Variants in PCM1 observed in about 807,000 individuals in gnomAD.
PCM1 encodes the protein pericentriolar material 1 protein.
In PCM1, 157 loss-of-function variants were observed where a neutral mutation model predicts 241.9. The observed-to-expected ratio is 0.65, with a 90% CI of 0.57 to 0.74. The LOEUF is 0.74. PCM1 is among the 30% of genes least tolerant of loss of function. The pLI is 0.00. For missense variants in PCM1, 3,478 were observed against 2,360.1 expected (o/e 1.47, Z -9.81); for synonymous variants, 1,085 against 784.9 (o/e 1.38, Z -6.39).
chr8:17,968,305 G>A (rs2075665344), intron 21 of PCM1, among the ~76,000 whole-genome samples: 1 of 152,148 alleles, frequency 6.6e-6, no homozygotes, highest in African/African-American at 2.4e-5. Context: ...TTGCAGACGA[G>A]GGTGCCATTG....
intron 23 of PCM1, among the ~76,000 whole-genome samples, chr8:17,973,972 C>T (rs1295225507): frequency 6.6e-6 from 1 of 152,294 alleles, no homozygotes; most frequent in Non-Finnish European, 1.5e-5. Flanking sequence ...AATATTGGCA[C>T]ATTTTTAAAA....
chr8:18,014,027 A>G lies in PCM1; in HGVS notation c.5575A>G (p.Thr1859Ala). The change falls in exon 35 of 39, where the codon ACT (threonine) becomes GCT (alanine). Residue 1859 changes from threonine (T) to alanine (A), a missense_variant. By Grantham distance (58) the Thr-to-Ala change is moderately conservative. Coordinates refer to ENST00000325083, the MANE Select transcript of PCM1 (RefSeq NM_006197.4). ...AAATGTCCCATTGGAACGAGAAGCC[A>G]CTAGTAAAAGTAAGAAATCTAAATA... ...SKNVPLEREA[T>A]SKNDQNNCPV... The G allele has an allele frequency of 3.8e-6, 6 of 1,588,650 alleles. No individual in the cohort carries two copies. Among genetic ancestry groups the G allele is most frequent in the Non-Finnish European group, 5.2e-6 (6 of 1,163,088 alleles).
intron 24 of PCM1, among the ~76,000 whole-genome samples, chr8:17,983,529 A>T (rs955286515): frequency 2.0e-5 from 3 of 152,190 alleles, no homozygotes; most frequent in African/African-American, 7.2e-5. Flanking sequence ...ACACATTCAT[A>T]AGGGTAACAG....
chr8:17,941,718 A>G (rs918151497), intron 6 of PCM1, among the ~76,000 whole-genome samples: 3 of 152,178 alleles, frequency 2.0e-5, no homozygotes, highest in African/African-American at 7.2e-5. Flanking sequence ...CTTCACAAGA[A>G]CAGGTTTCAG....
chr8:17,939,885 AC>A (rs1480103092), intron 6 of PCM1, 24 bp downstream of exon 6: 1 of 1,361,220 alleles, frequency 7.3e-7, no homozygotes, highest in Non-Finnish European at 1.0e-6. Flanking sequence ...TTTTAAAATA[AC>A]ATATTATTTT....
chr8:17,941,188 A>G (rs930774482), intron 6 of PCM1, among the ~76,000 whole-genome samples: 20 of 152,166 alleles, frequency 1.3e-4, no homozygotes, highest in African/African-American at 4.3e-4. Context: ...GGTGCGAGGC[A>G]TAATTTCTTC....
chr8:17,930,121 T>C (rs796634817), intron 2 of PCM1, among the ~76,000 whole-genome samples: 7 of 114,856 alleles, frequency 6.1e-5, no homozygotes, highest in Non-Finnish European at 9.5e-5. Flanking sequence ...TTTTTTTTTT[T>C]GAGACAGAGT....
chr8:17,976,437 C>A (rs1482770395), intron 23 of PCM1, among the ~76,000 whole-genome samples: 1 of 152,144 alleles, frequency 6.6e-6, no homozygotes, highest in Non-Finnish European at 1.5e-5. Flanking sequence ...TTCATTAGAA[C>A]CTGAGAGGAG....
Position 18,025,713 on chromosome 8 carries a change from C to G in PCM1, c.6049+55C>G, listed in dbSNP as rs2094141868. Reference sequence around the variant, plus strand: ...ATTGAAAAATCATTGAATCTTCATACTACTATTGTGTTTTATTTTTTAAAT... The same window carrying G: ...ATTGAAAAATCATTGAATCTTCATAGTACTATTGTGTTTTATTTTTTAAAT... On this transcript the variant is annotated intron_variant, in intron 38 of 38. Coordinates refer to ENST00000325083, the MANE Select transcript of PCM1 (RefSeq NM_006197.4). The G allele has an allele frequency of 1.1e-5, 11 of 994,972 alleles. No homozygotes were observed. In the South Asian group the frequency reaches 1.4e-4, roughly 12 times the overall value. 61.6% of individuals were successfully genotyped at this position (994,972 alleles called of 1,614,324 possible). A position where few individuals can be genotyped will look rare whatever the true frequency, so the allele number is the denominator to read the frequency against.
At chr8:17,987,370 C>G (rs1315810065) in intron 26 of PCM1, among the ~76,000 whole-genome samples, 4 of 151,756 alleles carry the variant, frequency 2.6e-5, no homozygotes, top group African/African-American at 9.7e-5. Context: ...AATTTTATAT[C>G]CTTAATTCCA....
chr8:18,013,916 GT>G, intron 34 of PCM1, 47 bp from the exon 35 acceptor site: 1 of 1,112,320 alleles, frequency 9.0e-7, no homozygotes, highest in Non-Finnish European at 1.3e-6. Context: ...CTCTTTTATA[GT>G]GACCATATAT....
At chr8:18,011,163 A>G (rs757515798) in intron 32 of PCM1, 74 bp from the exon 33 acceptor site, 3 of 957,984 alleles carry the variant, frequency 3.1e-6, no homozygotes, top group Non-Finnish European at 4.4e-6. Context: ...ATCATTATTA[A>G]TACGATAGAC....
At chr8:18,006,188 T>A (rs365837) in intron 29 of PCM1, 75 bp from the exon 30 acceptor site, 1 of 1,133,388 alleles carries the variant, frequency 8.8e-7, no homozygotes, top group Non-Finnish European at 1.2e-6. Context: ...ATTAACATTT[T>A]GTATTATATG....
chr8:18,014,511 T>C (rs1392545133), intron 35 of PCM1, 73 bp from the exon 36 acceptor site: 2 of 1,230,734 alleles, frequency 1.6e-6, no homozygotes, highest in African/African-American at 3.0e-5. Flanking sequence ...AGGCGTATTG[T>C]CTTTATTAGT....
intron 3 of PCM1, 25 bp from the exon 4 acceptor site, chr8:17,937,109 A>T: frequency 6.6e-7 from 1 of 1,524,478 alleles, no homozygotes; most frequent in Non-Finnish European, 8.8e-7. Context: ...AGGCCATGTT[A>T]ATTTTTGCTT....
chr8:17,971,895 C>T (rs1401380868), intron 22 of PCM1, among the ~76,000 whole-genome samples: 1 of 152,122 alleles, frequency 6.6e-6, no homozygotes, highest in Non-Finnish European at 1.5e-5. Context: ...AGGCACATGC[C>T]ACTGTGCCTG....
At chr8:17,929,870 CA>C (rs1245932352) in intron 2 of PCM1, among the ~76,000 whole-genome samples, 1 of 152,128 alleles carries the variant, frequency 6.6e-6, no homozygotes, top group Non-Finnish European at 1.5e-5. Context: ...AGAATAGTCA[CA>C]ACAGTATACT....
chr8:17,925,642 C>T (rs1046902653), intron 2 of PCM1: 2 of 152,090 alleles, frequency 1.3e-5, no homozygotes, highest in African/African-American at 2.4e-5. Context: ...CAAGACCATC[C>T]GGCTAACATG....
At chr8:17,938,017 C>A (rs760679345) in intron 4 of PCM1, among the ~76,000 whole-genome samples, 2 of 152,082 alleles carry the variant, frequency 1.3e-5, no homozygotes, top group African/African-American at 4.8e-5. Context: ...CTTTTTCAGA[C>A]AGTTCTTCAT....
Sources: allele counts gnomAD v4.1 joint callset (sites outside exome capture counted in the v4.1 genomes callset), GRCh38; gene constraint gnomAD v4.1.1; transcripts MANE v1.5; gene names NCBI Gene and HGNC (gene_info 2026-07-23, HGNC 2026-07-21).